The following DCLRE1C variants were observed in gnomAD, a reference collection of about 807,000 sequenced individuals.
DCLRE1C encodes the protein DNA cross-link repair 1C.
DCLRE1C carries 47 observed loss-of-function variants against 61.4 expected under a neutral mutation model. The observed-to-expected ratio is 0.77, with a 90% CI of 0.61 to 0.98. The LOEUF is 0.98. DCLRE1C is among the 50% of genes least tolerant of loss of function. DCLRE1C has a pLI of 0.00. For synonymous variants in DCLRE1C, 337 were observed against 287.6 expected (o/e 1.17, Z -1.74); for missense variants, 858 against 816.0 (o/e 1.05, Z -0.63).
intron 3 of DCLRE1C, among the ~76,000 whole-genome samples, chr10:14,943,784 G>A (rs1589129492): frequency 6.6e-6 from 1 of 152,316 alleles, no homozygotes; most frequent in East Asian, 1.9e-4. Flanking sequence ...GACCTCAGGT[G>A]AGCTGCCCGC....
rs1834682539 is a variant in DCLRE1C, at chr10:14,908,484, T to G, written c.2003A>C (p.Gln668Pro). The change falls in exon 14 of 14, where the codon CAA (glutamine) becomes CCA (proline). Residue 668 changes from glutamine (Q) to proline (P), a missense_variant. Gln to Pro is a moderately conservative substitution (Grantham distance 76, BLOSUM62 -1). This residue lies in a region of DCLRE1C where 843 missense variants were observed against 783.5 expected (regional missense o/e 1.08). Coordinates refer to ENST00000378278, the MANE Select transcript of DCLRE1C (RefSeq NM_001033855.3). ...EAELPKREHL[Q>P]YLYEKLATGE... ...AGTTGCCAGCTTCTCATATAAATAT[T>G]GTAAATGCTCTCGTTTAGGTAACTC... 6.2e-7 allele frequency: 1 copy of G among 1,613,952 alleles called. No homozygotes were observed. Among genetic ancestry groups the G allele is most frequent in the Non-Finnish European group, 8.5e-7 (1 of 1,180,000 alleles).
intron 8 of DCLRE1C, 41 bp downstream of exon 8, chr10:14,934,339 A>G (rs1564438429): frequency 3.8e-6 from 6 of 1,597,592 alleles, no homozygotes; most frequent in African/African-American, 2.7e-5. Flanking sequence ...AAAAAAAAAA[A>G]AAAAGAAAAA....
At chr10:14,953,860 C>A (rs1045527629) in intron 1 of DCLRE1C, 42 bp downstream of exon 1, 1 of 1,611,474 alleles carries the variant, frequency 6.2e-7, no homozygotes, top group African/African-American at 1.3e-5. Context: ...TCTCTCCAGC[C>A]CCCAGCGCCC....
chr10:14,933,925 G>T (rs1839440577), intron 8 of DCLRE1C, among the ~76,000 whole-genome samples: 1 of 152,176 alleles, frequency 6.6e-6, no homozygotes. Context: ...GCGAACCTCT[G>T]CTGCAGACAC....
intron 12 of DCLRE1C, chr10:14,920,410 C>T: frequency 9.9e-7 from 1 of 1,012,302 alleles, no homozygotes; most frequent in Non-Finnish European, 1.2e-6. Context: ...CCAACTGCCT[C>T]CTCCTGGCAG....
Position 14,934,638 on chromosome 10 carries a change from A to G in DCLRE1C, c.537+65T>C, listed in dbSNP as rs951765345. 8.1e-6 allele frequency: 13 copies of G among 1,611,702 alleles called. No homozygotes were observed. In the African/African-American group the frequency reaches 1.3e-4, roughly 17 times the overall value. Reference sequence around the variant, plus strand: ...CAGTTAGGATATGACCTGTCACCCTACAAACTTCCTACTAAAAACACGGGC... The same window carrying G: ...CAGTTAGGATATGACCTGTCACCCTGCAAACTTCCTACTAAAAACACGGGC... On this transcript the variant is annotated intron_variant, in intron 7 of 13. Transcript: ENST00000378278.
chr10:14,949,905 A>C (rs923301482), intron 1 of DCLRE1C, among the ~76,000 whole-genome samples: 5 of 151,934 alleles, frequency 3.3e-5, no homozygotes, highest in Non-Finnish European at 5.9e-5. Flanking sequence ...ATTAGCCATG[A>C]ATAGTAGCAC....
intron 13 of DCLRE1C, chr10:14,911,076 G>C (rs1244594698): frequency 7.2e-5 from 11 of 152,250 alleles, no homozygotes; most frequent in Non-Finnish European, 1.5e-5. Flanking sequence ...AAAAGCTGCA[G>C]AGGCGTCCCC....
At chr10:14,931,815 G>C (rs369955990) in intron 9 of DCLRE1C, among the ~76,000 whole-genome samples, 1 of 152,190 alleles carries the variant, frequency 6.6e-6, no homozygotes, top group South Asian at 2.1e-4. Flanking sequence ...AAGGAGAGCA[G>C]ATCACTTGAG....
chr10:14,934,405 T>C lies in DCLRE1C; in HGVS notation c.653A>G (p.Asn218Ser), dbSNP rs777775645. The C allele has an allele frequency of 6.2e-7, 1 of 1,613,652 alleles. No individual in the cohort carries two copies. Among genetic ancestry groups the C allele is most frequent in the Non-Finnish European group, 8.5e-7 (1 of 1,179,964 alleles). The change falls in exon 8 of 14, where the codon AAC (asparagine) becomes AGC (serine). Residue 218 changes from asparagine (N) to serine (S), a missense_variant. Asn to Ser is a conservative substitution (Grantham distance 46). Transcript: ENST00000378278. ...AAYGYEYLFT[N>S]LSEELGVQVH... ...CTGGACTCCTAATTCTTCACTAAGG[T>C]TGGTGAACAGATATTCATAGCCATA...
At chr10:14,951,212 C>T (rs41304310) in intron 1 of DCLRE1C, among the ~76,000 whole-genome samples, 30 of 151,892 alleles carry the variant, frequency 2.0e-4, no homozygotes, top group African/African-American at 7.0e-4. Context: ...AATCCTGTCT[C>T]TCTATAAAAA....
chr10:14,917,135 A>G (rs1455779684), intron 13 of DCLRE1C, among the ~76,000 whole-genome samples: 2 of 152,252 alleles, frequency 1.3e-5, no homozygotes, highest in Non-Finnish European at 1.5e-5. Context: ...GTGCTAAAGC[A>G]ATTCAGTGAA....
chr10:14,914,820 A>G (rs981795653), intron 13 of DCLRE1C, among the ~76,000 whole-genome samples: 3 of 152,114 alleles, frequency 2.0e-5, no homozygotes, highest in Admixed American at 2.0e-4. Flanking sequence ...TGAGCCTGTA[A>G]TTCCAGCTAC....
intron 13 of DCLRE1C, among the ~76,000 whole-genome samples, chr10:14,914,669 G>T (rs1835866542): frequency 1.3e-5 from 2 of 152,212 alleles, no homozygotes; most frequent in East Asian, 1.9e-4. Context: ...ACCAGGCCAG[G>T]TGTGGTGGCT....
At chr10:14,924,574 C>T (rs955494794) in intron 11 of DCLRE1C, among the ~76,000 whole-genome samples, 12 of 152,122 alleles carry the variant, frequency 7.9e-5, no homozygotes, top group African/African-American at 2.7e-4. Flanking sequence ...CCAGGCCAGG[C>T]GTGGTGGCTC....
chr10:14,916,922 A>G (rs370770774), intron 13 of DCLRE1C, among the ~76,000 whole-genome samples: 7 of 152,230 alleles, frequency 4.6e-5, no homozygotes, highest in East Asian at 1.9e-4. Flanking sequence ...TCTAAAATTC[A>G]TATGGAAATG....
At chr10:14,901,398 A>G, downstream of DCLRE1C, 1 of 1,168,940 alleles carries the variant, frequency 8.6e-7, no homozygotes, top group Non-Finnish European at 1.2e-6. Context: ...TTGTCATCCT[A>G]AGGTACAAAG....
At chr10:14,954,398 T>G, upstream of DCLRE1C, 1 of 344,508 alleles carries the variant, frequency 2.9e-6, no homozygotes. Context: ...GTGAGTGGGC[T>G]GCGGAACTGC....
chr10:14,906,050 G>T lies in DCLRE1C; in HGVS notation c.*2358C>A, dbSNP rs1389899297. ...TGATTCTTGACGTAAAAACCAAGTA[G>T]CTGCTACAATTAACCCTGCTCATGT... On this transcript the variant is annotated 3_prime_UTR_variant, in exon 14 of 14. Transcript: ENST00000378278. 6.6e-6 allele frequency among the ~76,000 whole-genome samples: 1 copy of T among 152,176 alleles called. No homozygotes were observed. Among genetic ancestry groups the T allele is most frequent in the South Asian group, 2.1e-4 (1 of 4,822 alleles).
Sources: allele counts gnomAD v4.1 joint callset (sites outside exome capture counted in the v4.1 genomes callset), GRCh38; gene constraint gnomAD v4.1.1; regional missense constraint gnomAD v4.1.1; transcripts MANE v1.5; gene names NCBI Gene and HGNC (gene_info 2026-07-23, HGNC 2026-07-21).